Variants in GNMT observed in about 807,000 individuals in gnomAD.
GNMT encodes the protein epididymis secretory sperm binding protein Li 182mP.
Under a neutral mutation model 30.2 loss-of-function variants are expected in GNMT, and 26 were observed. The observed-to-expected ratio is 0.86, with a 90% CI of 0.63 to 1.19. GNMT has a LOEUF of 1.19. GNMT is among the 50% of genes most tolerant of loss of function. The pLI, the probability that GNMT is intolerant of heterozygous loss-of-function variation, is 0.00. For missense variants in GNMT, 365 were observed against 398.1 expected (o/e 0.92, Z 0.71); for synonymous variants, 163 against 163.8 (o/e 1.00, Z 0.04).
intron 1 of GNMT, among the ~76,000 whole-genome samples, chr6:42,961,783 G>C (rs1378198601): frequency 5.3e-5 from 8 of 152,038 alleles, no homozygotes; most frequent in Non-Finnish European, 1.0e-4. Context: ...TCGATCTCCT[G>C]ACCTTGTGAT....
At chr6:42,962,470 T>A in intron 2 of GNMT, 131 bp downstream of exon 2, 1 of 1,012,594 alleles carries the variant, frequency 9.9e-7, no homozygotes, top group Non-Finnish European at 1.5e-6. Flanking sequence ...ATTACTGTCA[T>A]TTCTCTGAAA....
At position 42,963,130 on chromosome 6, in the gene GNMT, G is replaced by C. The variant is rs371794899; in HGVS notation, c.510G>C (p.Gly170=). 6.2e-7 allele frequency: 1 copy of C among 1,612,722 alleles called. No individual in the cohort carries two copies. Among genetic ancestry groups the C allele is most frequent in the Non-Finnish European group, 8.5e-7 (1 of 1,179,930 alleles). Residue 170 remains glycine, a synonymous_variant, in exon 4 of 6, where the codon GGG becomes GGC. Transcript: ENST00000372808. Reference sequence around the variant, plus strand: ...ACATTGCGAGCATGGTGCGGGCAGGGGGCCTACTGGTCATTGATCATCGCA... The same window carrying C: ...ACATTGCGAGCATGGTGCGGGCAGGCGGCCTACTGGTCATTGATCATCGCA... The part of the protein sequence containing the change: ...LKNIASMVRA[G]GLLVIDHRNY...
At chr6:42,961,103 C>A (rs1406150184) in intron 1 of GNMT, 130 bp downstream of exon 1, 4 of 757,810 alleles carry the variant, frequency 5.3e-6, no homozygotes, top group Non-Finnish European at 8.2e-6. Context: ...GGGTGGGACA[C>A]CAGGGCCAGG....
rs745619141 is a variant in GNMT at position 42,960,880 on chromosome 6, C to T, written c.113C>T (p.Thr38Ile). 4.5e-6 allele frequency: 7 copies of T among 1,553,902 alleles called. No homozygotes were observed. The African/African-American group carries it at 6.8e-5, about 15-fold the overall frequency. The part of the protein sequence containing the change: ...ARVWQLYIGD[T>I]RSRTAEYKAW... The stretch of plus-strand genomic sequence containing the variant: ...GTGTGGCAGCTGTATATCGGAGACA[C>T]CCGCAGCCGCACCGCCGAGTACAAG... The change falls in exon 1 of 6, where the codon ACC becomes ATC. Residue 38 changes from threonine to isoleucine, a missense_variant. Around this residue, in one of 3 missense-constraint regions of GNMT, gnomAD observed 125 missense variants for 112.0 expected, o/e 1.12. Transcript: ENST00000372808.
rs1466102797 is a variant in GNMT at position 42,960,988 on chromosome 6, G to T, written c.206+15G>T. On this transcript the variant is annotated intron_variant, in intron 1 of 5. Coordinates refer to ENST00000372808, the MANE Select transcript of GNMT (RefSeq NM_018960.6). ...TGTGGCACTGGGTGAGCCCAGGCCGGGGCCGGGGGCGTTGCATGAGATCGG... is the reference window on the plus strand; with the variant it reads ...TGTGGCACTGGGTGAGCCCAGGCCGTGGCCGGGGGCGTTGCATGAGATCGG... The T allele has an allele frequency of 1.3e-6, 2 of 1,533,420 alleles. No individual in the cohort carries two copies. The highest frequency in any genetic ancestry group is 1.7e-6 in the Non-Finnish European group (2 of 1,143,348). 95.0% of individuals were successfully genotyped at this position (1,533,420 alleles called of 1,614,324 possible). A position where few individuals can be genotyped will look rare whatever the true frequency, so the allele number is the denominator to read the frequency against.
Position 42,963,585 on chromosome 6 carries a change from T to C in GNMT, c.767T>C (p.Leu256Pro), listed in dbSNP as rs754695157. 2.5e-6 allele frequency: 4 copies of C among 1,614,078 alleles called. No individual in the cohort carries two copies. The African/African-American group carries it at 5.3e-5, about 22-fold the overall frequency. ...CACTGTCTGGCATCCTTCACGGAGCTGCTCCAAGCAGCCTTCGGAGGTAAG... is the reference window on the plus strand; with the variant it reads ...CACTGTCTGGCATCCTTCACGGAGCCGCTCCAAGCAGCCTTCGGAGGTAAG... ...YPHCLASFTE[L>P]LQAAFGGKCQ... is the part of the protein sequence containing the mutation. The change falls in exon 6 of 6, where the codon CTG becomes CCG. Residue 256 changes from leucine (L) to proline (P), a missense_variant. Transcript: ENST00000372808.
chr6:42,963,156 A>G lies in GNMT; in HGVS notation c.536A>G (p.Asn179Ser). The G allele has an allele frequency of 6.2e-7, 1 of 1,610,124 alleles. No individual in the cohort carries two copies. The highest frequency in any genetic ancestry group is 8.5e-7 in the Non-Finnish European group (1 of 1,179,252). The change falls in exon 4 of 6, where the codon AAC (asparagine) becomes AGC (serine). Residue 179 changes from asparagine (N) to serine (S), a missense_variant. Around this residue, in one of 3 missense-constraint regions of GNMT, gnomAD observed 232 missense variants for 263.0 expected, o/e 0.88. Coordinates refer to ENST00000372808, the MANE Select transcript of GNMT (RefSeq NM_018960.6). ...GGCCTACTGGTCATTGATCATCGCA[A>G]CTACGACCACATCCTCAGTACAGGC... ...AGGLLVIDHR[N>S]YDHILSTGCA...
intron 3 of GNMT, 31 bp from the exon 4 acceptor site, chr6:42,963,041 T>C (rs1198789980): frequency 6.2e-7 from 1 of 1,609,012 alleles, no homozygotes; most frequent in African/African-American, 1.3e-5. Flanking sequence ...CCTGAGCAGA[T>C]GGAGTCTTTC....
At position 42,960,807 on chromosome 6, in the gene GNMT, G is replaced by T; in HGVS notation, c.40G>T (p.Ala14Ser). ...SVYRTRSLGV[A>S]AEGLPDQYAD... The stretch of plus-strand genomic sequence containing the variant: ...GTACCGGACCCGCTCCCTGGGGGTG[G>T]CGGCCGAAGGGCTCCCGGACCAGTA... Residue 14 changes from alanine (A) to serine (S), a missense_variant, in exon 1 of 6, where the codon GCG becomes TCG. This residue lies in a region of GNMT where 125 missense variants were observed against 112.0 expected (regional missense o/e 1.12). Coordinates refer to ENST00000372808, the MANE Select transcript of GNMT (RefSeq NM_018960.6). The T allele has an allele frequency of 6.4e-7, 1 of 1,554,672 alleles. No individual in the cohort carries two copies. Among genetic ancestry groups the T allele is most frequent in the African/African-American group, 1.4e-5 (1 of 73,578 alleles).
chr6:42,963,088 C>G lies in GNMT; in HGVS notation c.468C>G (p.His156Gln), dbSNP rs768087069. The G allele has an allele frequency of 2.5e-6, 4 of 1,612,264 alleles. No homozygotes were observed. In the Admixed American group the frequency reaches 5.0e-5, roughly 20 times the overall value. The change falls in exon 4 of 6, where the codon CAC becomes CAG. Residue 156 changes from histidine (H) to glutamine (Q), a missense_variant. His to Gln is a conservative substitution (Grantham distance 24). Around this residue, in one of 3 missense-constraint regions of GNMT, gnomAD observed 232 missense variants for 263.0 expected, o/e 0.88. Coordinates refer to ENST00000372808, the MANE Select transcript of GNMT (RefSeq NM_018960.6). ...GGAGCTCAGGGGACCAGAGTGAGCA[C>G]CGGCTGGCGCTGAAAAACATTGCGA... ...LPDCKGDQSE[H>Q]RLALKNIASM...
At position 42,963,631 on chromosome 6, in the gene GNMT, C is replaced by G; in HGVS notation, c.813C>G (p.Gly271=). 1 of 1,614,146 alleles carries G rather than the reference C, an allele frequency of 6.2e-7. No individual in the cohort carries two copies. Among genetic ancestry groups the G allele is most frequent in the Non-Finnish European group, 8.5e-7 (1 of 1,179,954 alleles). ...GTAAGTGCCAGCACAGCGTCCTGGGCGACTTCAAGCCTTACAAGCCAGGCC... is the reference window on the plus strand; with the variant it reads ...GTAAGTGCCAGCACAGCGTCCTGGGGGACTTCAAGCCTTACAAGCCAGGCC... ...FGGKCQHSVL[G]DFKPYKPGQT... Residue 271 remains glycine (G), a synonymous_variant, in exon 6 of 6, where the codon GGC becomes GGG. Transcript: ENST00000372808.
intron 5 of GNMT, 24 bp from the exon 6 acceptor site, chr6:42,963,511 T>A: frequency 6.2e-7 from 1 of 1,613,802 alleles, no homozygotes; most frequent in East Asian, 2.2e-5. Context: ...CCAGTCCTCA[T>A]GGTTGCTGGG....
chr6:42,963,253 G>GGTGGGT, intron 4 of GNMT, 39 bp downstream of exon 4: 1 of 1,411,842 alleles, frequency 7.1e-7, no homozygotes, highest in Non-Finnish European at 9.6e-7. Context: ...TGGGGGTGGG[G>GGTGGGT]GTGGGGTGGA....
intron 2 of GNMT, 30 bp from the exon 3 acceptor site, chr6:42,962,732 C>G (rs745660734): frequency 7.3e-5 from 110 of 1,507,038 alleles, no homozygotes; most frequent in Non-Finnish European, 1.0e-4. Flanking sequence ...TCGTGCCTCC[C>G]TGATTCCTCT....
chr6:42,961,606 T>G (rs981624791), intron 1 of GNMT, among the ~76,000 whole-genome samples: 3 of 146,024 alleles, frequency 2.1e-5, no homozygotes, highest in Admixed American at 1.5e-4. Context: ...CAGGCTGGAG[T>G]GCAGTGGCTC....
At chr6:42,961,948 T>C (rs1238382809) in intron 1 of GNMT, among the ~76,000 whole-genome samples, 1 of 152,162 alleles carries the variant, frequency 6.6e-6, no homozygotes, top group Non-Finnish European at 1.5e-5. Flanking sequence ...CAAATGGGAA[T>C]GACACTATTT....
In GNMT at chr6:42,962,211, G is replaced by C; in HGVS notation, c.207-1G>C. On this transcript the variant is annotated splice_acceptor_variant, in intron 1 of 5. Coordinates refer to ENST00000372808, the MANE Select transcript of GNMT (RefSeq NM_018960.6). LOFTEE classifies it high-confidence loss of function. ...TGCCTCTCCTCGCTGGCCGTACTCA[G>C]GGTGGACTCCATTATGCTGGTGGAA... is the stretch of plus-strand genomic sequence containing the variant. 1 of 1,614,146 alleles carries C rather than the reference G, an allele frequency of 6.2e-7. No individual in the cohort carries two copies. The highest frequency in any genetic ancestry group is 8.5e-7 in the Non-Finnish European group (1 of 1,180,018).
Position 42,963,552 on chromosome 6 carries a change from A to G in GNMT, c.734A>G (p.Tyr245Cys), listed in dbSNP as rs750163928. 6.2e-7 allele frequency: 1 copy of G among 1,614,130 alleles called. No individual in the cohort carries two copies. The highest frequency in any genetic ancestry group is 8.5e-7 in the Non-Finnish European group (1 of 1,179,980). The change falls in exon 6 of 6, where the codon TAC becomes TGC. Residue 245 changes from tyrosine to cysteine, a missense_variant. Tyr to Cys is a radical substitution (Grantham distance 194). Coordinates refer to ENST00000372808, the MANE Select transcript of GNMT (RefSeq NM_018960.6). ...SPGLSKFRLS[Y>C]YPHCLASFTE... is the part of the protein sequence containing the mutation. ...TGTTACAGTAAGTTCCGGCTCTCCT[A>G]CTACCCACACTGTCTGGCATCCTTC...
In GNMT at chr6:42,963,637, C is replaced by T. The variant is rs774250937; in HGVS notation, c.819C>T (p.Phe273=). The change falls in exon 6 of 6, where the codon TTC becomes TTT. Residue 273 remains phenylalanine (F), a synonymous_variant. Coordinates refer to ENST00000372808, the MANE Select transcript of GNMT (RefSeq NM_018960.6). ...GCCAGCACAGCGTCCTGGGCGACTTCAAGCCTTACAAGCCAGGCCAAACCT... is the reference window on the plus strand; with the variant it reads ...GCCAGCACAGCGTCCTGGGCGACTTTAAGCCTTACAAGCCAGGCCAAACCT... ...GKCQHSVLGD[F]KPYKPGQTYI... 6 of 1,614,194 alleles carry T rather than the reference C, an allele frequency of 3.7e-6. No homozygotes were observed. The highest frequency in any genetic ancestry group is 5.1e-6 in the Non-Finnish European group (6 of 1,179,992).
Sources: allele counts gnomAD v4.1 joint callset (sites outside exome capture counted in the v4.1 genomes callset), GRCh38; gene constraint gnomAD v4.1.1; regional missense constraint gnomAD v4.1.1; transcripts MANE v1.5; gene names NCBI Gene and HGNC (gene_info 2026-07-23, HGNC 2026-07-21).